SEC11A: variants seen among roughly 807,000 people sequenced by gnomAD.
SEC11A encodes signal peptidase complex catalytic subunit SEC11A.
SEC11A carries 14 observed loss-of-function variants against 25.6 expected under a neutral mutation model. The observed-to-expected ratio is 0.55, with a 90% CI of 0.36 to 0.85. The LOEUF (loss-of-function observed/expected upper bound fraction) is 0.85. SEC11A is among the 40% of genes least tolerant of loss of function. The pLI, the probability that SEC11A is intolerant of heterozygous loss-of-function variation, is 0.01. For missense variants in SEC11A, 153 were observed against 222.9 expected (o/e 0.69, Z 2.00); for synonymous variants, 83 against 76.4 (o/e 1.09, Z -0.45).
chr15:84,701,640 C>T (rs1374006509), intron 1 of SEC11A, among the ~76,000 whole-genome samples: 1 of 151,060 alleles, frequency 6.6e-6, no homozygotes, highest in Non-Finnish European at 1.5e-5. Context: ...ATGCTGCCTA[C>T]AAAAAATGCA....
At chr15:84,703,510 G>A (rs1202322292) in intron 1 of SEC11A, among the ~76,000 whole-genome samples, 1 of 152,146 alleles carries the variant, frequency 6.6e-6, no homozygotes, top group African/African-American at 2.4e-5. Flanking sequence ...CCTGATTTGT[G>A]ATGGTTCAAC....
chr15:84,700,312 T>C (rs965428748), intron 1 of SEC11A, among the ~76,000 whole-genome samples: 32 of 151,590 alleles, frequency 2.1e-4, no homozygotes, highest in Admixed American at 1.9e-3. Context: ...GAAAGGGATA[T>C]TTGCTGGGCG....
At chr15:84,689,921 T>A (rs1185374313) in intron 2 of SEC11A, among the ~76,000 whole-genome samples, 1 of 152,106 alleles carries the variant, frequency 6.6e-6, no homozygotes, top group Non-Finnish European at 1.5e-5. Context: ...AATGTTTCAG[T>A]CAAACAACCA....
intron 1 of SEC11A, among the ~76,000 whole-genome samples, chr15:84,693,140 C>T (rs530582350): frequency 1.3e-5 from 2 of 152,192 alleles, no homozygotes; most frequent in South Asian, 4.1e-4. Flanking sequence ...TTAATATTTG[C>T]TTGTGGACAT....
rs551416588 is a variant in SEC11A at position 84,687,481 on chromosome 15, A to G, written c.311+144T>C. ...ATTTACAGTTTTCAAAATGTTCACTAAACTTTCCAGCATTCATAAAAATGG... is the reference window on the plus strand; with the variant it reads ...ATTTACAGTTTTCAAAATGTTCACTGAACTTTCCAGCATTCATAAAAATGG... On this transcript the variant is annotated intron_variant, in intron 3 of 5. Transcript: ENST00000268220. 1.1e-5 allele frequency: 6 copies of G among 563,372 alleles called. No individual in the cohort carries two copies. In the Admixed American group the frequency reaches 2.0e-4, roughly 19 times the overall value. The allele number at this position is 563,372 out of a possible 1,614,324, so 34.9% of individuals were successfully genotyped here. A position where few individuals can be genotyped will look rare whatever the true frequency, so the allele number is the denominator to read the frequency against.
chr15:84,674,640 C>T (rs962323206), intron 4 of SEC11A, among the ~76,000 whole-genome samples: 2 of 152,100 alleles, frequency 1.3e-5, no homozygotes, highest in Non-Finnish European at 2.9e-5. Context: ...CTCACTACAG[C>T]CTTGAACTCC....
chr15:84,711,674 C>A (rs1341410804), intron 1 of SEC11A, among the ~76,000 whole-genome samples: 3 of 151,092 alleles, frequency 2.0e-5, no homozygotes, highest in East Asian at 3.9e-4. Context: ...CAAAAATTAG[C>A]CAGACGTGGT....
At position 84,710,568 on chromosome 15, in the gene SEC11A, C is replaced by G. The variant is rs544400833; in HGVS notation, c.51+5457G>C. On this transcript the variant is annotated intron_variant, in intron 1 of 5. Transcript: ENST00000268220. The stretch of plus-strand genomic sequence containing the variant: ...AGGGGAATTGTGTGAACCTAGGAGG[C>G]AGAGGTTGCAGTTGAGCCTAGATGG... 3.3e-5 allele frequency among the ~76,000 whole-genome samples: 5 copies of G among 152,258 alleles called. No individual in the cohort carries two copies. In the East Asian group the frequency reaches 9.6e-4, roughly 29 times the overall value.
chr15:84,694,866 C>T (rs955247054), intron 1 of SEC11A, among the ~76,000 whole-genome samples: 5 of 151,490 alleles, frequency 3.3e-5, no homozygotes, highest in South Asian at 2.1e-4. Context: ...CCGAGGCAGG[C>T]GGATCACGAG....
At chr15:84,711,841 T>C (rs942264204) in intron 1 of SEC11A, among the ~76,000 whole-genome samples, 1 of 141,006 alleles carries the variant, frequency 7.1e-6, no homozygotes, top group Non-Finnish European at 1.5e-5. Context: ...ACAAATAAAA[T>C]AGTATATGAC....
intron 3 of SEC11A, among the ~76,000 whole-genome samples, chr15:84,684,910 G>A (rs935696236): frequency 1.3e-5 from 2 of 152,036 alleles, no homozygotes; most frequent in Non-Finnish European, 2.9e-5. Context: ...CAGCCTGGGC[G>A]AAAGAGCGAG....
chr15:84,673,430 G>GAAAA (rs1178052868), intron 4 of SEC11A: 32 of 144,316 alleles, frequency 2.2e-4, no homozygotes, highest in Non-Finnish European at 4.2e-4. Context: ...TCTGCCTTGG[G>GAAAA]AAAAAAAAAA....
chr15:84,678,269 C>G (rs141379579), intron 4 of SEC11A, among the ~76,000 whole-genome samples: 1 of 152,014 alleles, frequency 6.6e-6, no homozygotes, highest in Non-Finnish European at 1.5e-5. Flanking sequence ...TAAAGGAACA[C>G]TCAGTTGTAC....
intron 3 of SEC11A, among the ~76,000 whole-genome samples, chr15:84,685,159 A>T (rs936265441): frequency 1.3e-5 from 2 of 152,344 alleles, no homozygotes; most frequent in African/African-American, 4.8e-5. Flanking sequence ...AAATTATTTT[A>T]AAAATTTAAG....
At position 84,714,521 on chromosome 15, in the gene SEC11A, T is replaced by G. The variant is rs561212187; in HGVS notation, c.51+1504A>C. Reference sequence around the variant, plus strand: ...ACGTAAAAACGGTTGAAATGGAATATTTTATGTTGCATATCTTTTTACAAC... The same window carrying G: ...ACGTAAAAACGGTTGAAATGGAATAGTTTATGTTGCATATCTTTTTACAAC... On this transcript the variant is annotated intron_variant, in intron 1 of 5. Transcript: ENST00000268220. Among the ~76,000 whole-genome samples the G allele has an allele frequency of 6.6e-5, 10 of 152,356 alleles. No homozygotes were observed. In the South Asian group the frequency reaches 2.1e-3, roughly 32 times the overall value.
chr15:84,708,587 G>A (rs949214101), intron 1 of SEC11A, among the ~76,000 whole-genome samples: 8 of 151,942 alleles, frequency 5.3e-5, no homozygotes, highest in Admixed American at 2.6e-4. Flanking sequence ...GCAACAGGGC[G>A]AAATCTCAAC....
intron 5 of SEC11A, 177 bp downstream of exon 5, chr15:84,670,544 ATTTT>A: frequency 1.2e-5 from 4 of 325,394 alleles, no homozygotes; most frequent in Non-Finnish European, 2.3e-5. Context: ...CAGGCTAATA[ATTTT>A]TTTTTTTTTT....
intron 1 of SEC11A, among the ~76,000 whole-genome samples, chr15:84,704,920 CTTT>C (rs11407566): frequency 2.7e-5 from 4 of 147,342 alleles, no homozygotes; most frequent in South Asian, 4.3e-4. Flanking sequence ...CTTCTGGAGT[CTTT>C]TTTTTTTTCT....
chr15:84,714,451 C>T (rs1286467327), intron 1 of SEC11A, among the ~76,000 whole-genome samples: 2 of 152,200 alleles, frequency 1.3e-5, no homozygotes, highest in Non-Finnish European at 2.9e-5. Context: ...AGCGACCCTA[C>T]GTTTGCACAA....
Sources: gnomAD v4.1 joint callset for allele counts (sites outside exome capture counted in the v4.1 genomes callset) on GRCh38, gnomAD v4.1.1 for gene constraint, MANE v1.5 for transcripts, NCBI Gene and HGNC (gene_info 2026-07-23, HGNC 2026-07-21) for gene names.